TNPO2: variants seen among roughly 807,000 people sequenced by gnomAD.
TNPO2 encodes transportin-2.
TNPO2 carries 16 observed loss-of-function variants against 111.1 expected under a neutral mutation model. The observed-to-expected ratio is 0.14, with a 90% confidence interval of 0.10 to 0.22. TNPO2 has a LOEUF of 0.22. Among genes scored for constraint, TNPO2 ranks in the 10% least tolerant of loss-of-function variants. TNPO2 has a pLI of 1.00. For missense variants in TNPO2, 530 were observed against 1,173.7 expected (o/e 0.45, Z 8.01); for synonymous variants, 481 against 475.8 (o/e 1.01, Z -0.14).
At position 12,719,232 on chromosome 19, in the gene TNPO2, G is replaced by C. The variant is rs375461253; in HGVS notation, c.175+29C>G. On this transcript the variant is annotated intron_variant, in intron 4 of 25. Coordinates refer to ENST00000425528, the MANE Select transcript of TNPO2 (RefSeq NM_001382241.1). The surrounding 1 kb of genome is among the most constrained non-coding windows in gnomAD (Gnocchi z 5.0). ...GCCCAGGGGGAGAAAGCAGGGTCCCGATCGCATGGAAGGGAGCAGAGGGCG... is the reference window on the plus strand; with the variant it reads ...GCCCAGGGGGAGAAAGCAGGGTCCCCATCGCATGGAAGGGAGCAGAGGGCG... The C allele has an allele frequency of 1.2e-6, 2 of 1,613,860 alleles. No individual in the cohort carries two copies. Among genetic ancestry groups the C allele is most frequent in the Non-Finnish European group, 1.7e-6 (2 of 1,179,784 alleles).
At chr19:12,711,105 A>T in intron 12 of TNPO2, 191 bp downstream of exon 12, 2 of 702,984 alleles carry the variant, frequency 2.8e-6, no homozygotes, top group Non-Finnish European at 4.7e-6. Flanking sequence ...TGTGTTAGCC[A>T]GGATGGTGTT....
chr19:12,711,926 C>T (rs941486995), intron 10 of TNPO2, among the ~76,000 whole-genome samples: 1 of 150,990 alleles, frequency 6.6e-6, no homozygotes, highest in Non-Finnish European at 1.5e-5. Flanking sequence ...GCCACCCAGG[C>T]ACCGAGGCAA....
rs911288360 is a variant in TNPO2 at position 12,706,006 on chromosome 19, T to C, written c.1668+190A>G. On this transcript the variant is annotated intron_variant, in intron 15 of 25. Transcript: ENST00000425528. The surrounding 1 kb of genome is among the most constrained non-coding windows in gnomAD (Gnocchi z 7.0). ...CCTCCTGGTTCCCGAAGCACAGCAC[T>C]TACCACGCTGTCTCATAACTGTCTT... The C allele has an allele frequency of 5.6e-6, 3 of 537,068 alleles. No homozygotes were observed. Among genetic ancestry groups the C allele is most frequent in the Non-Finnish European group, 9.3e-6 (3 of 324,072 alleles). The allele number at this position is 537,068 out of a possible 1,614,324, so 33.3% of individuals were successfully genotyped here.
rs375299699 is a variant in TNPO2, at chr19:12,700,886, G to GC, written c.*377dup. The GC allele has an allele frequency of 1.2e-4, 20 of 171,788 alleles. No homozygotes were observed. Among genetic ancestry groups the GC allele is most frequent in the Non-Finnish European group, 2.4e-4 (19 of 79,544 alleles). The allele number at this position is 171,788 out of a possible 1,614,324, so 10.6% of individuals were successfully genotyped here. On this transcript the variant is annotated 3_prime_UTR_variant, in exon 26 of 26. Transcript: ENST00000425528. ...TGTGAGTGTACGCGTCCCTACGAGG[G>GC]CCCCCCTCCTGACCTGCTCCTCCCT...
Position 12,709,467 on chromosome 19 carries a change from T to C in TNPO2, c.1270+1154A>G, listed in dbSNP as rs183010312. The stretch of plus-strand genomic sequence containing the variant: ...AGATATGAGATACATTAAACACATA[T>C]TACATGTCGAAACATTTCTTTAGAC... On this transcript the variant is annotated intron_variant, in intron 13 of 25. Coordinates refer to ENST00000425528, the MANE Select transcript of TNPO2 (RefSeq NM_001382241.1). Among the ~76,000 whole-genome samples the C allele has an allele frequency of 1.8e-4, 27 of 152,306 alleles. 1 individual carries two copies. The highest frequency in any genetic ancestry group is 4.6e-4 in the Admixed American group (7 of 15,286).
At position 12,701,937 on chromosome 19, in the gene TNPO2, G is replaced by C; in HGVS notation, c.2412-86C>G. ...TGGGTCACTGGGGATCAGTGAGTGG[G>C]CCTGGGACATGCATCTGTGGGGGTG... On this transcript the variant is annotated intron_variant, in intron 22 of 25. Coordinates refer to ENST00000425528, the MANE Select transcript of TNPO2 (RefSeq NM_001382241.1). The surrounding 1 kb of genome is among the most constrained non-coding windows in gnomAD (Gnocchi z 5.0). 2.1e-6 allele frequency: 3 copies of C among 1,420,072 alleles called. No homozygotes were observed. Among genetic ancestry groups the C allele is most frequent in the Non-Finnish European group, 3.0e-6 (3 of 1,006,096 alleles). 88.0% of individuals were successfully genotyped at this position (1,420,072 alleles called of 1,614,324 possible). A position where few individuals can be genotyped will look rare whatever the true frequency, so the allele number is the denominator to read the frequency against.
chr19:12,703,667 G>C (rs746519172), intron 19 of TNPO2, 47 bp downstream of exon 19: 14 of 1,596,394 alleles, frequency 8.8e-6, no homozygotes, highest in Non-Finnish European at 1.2e-5. Flanking sequence ...TCCATCACTT[G>C]AGGCCGGGGC....
At chr19:12,707,125 G>A (rs1390197344) in intron 13 of TNPO2, among the ~76,000 whole-genome samples, 2 of 152,118 alleles carry the variant, frequency 1.3e-5, no homozygotes, top group South Asian at 2.1e-4. Context: ...AGCCTCCCAA[G>A]TAGCTGGGAT....
intron 5 of TNPO2, among the ~76,000 whole-genome samples, chr19:12,717,734 T>C (rs1568338923): frequency 6.6e-6 from 1 of 152,122 alleles, no homozygotes; most frequent in Non-Finnish European, 1.5e-5. Flanking sequence ...TAGAGTACAG[T>C]GGCATTATCT....
rs574621854 is a variant in TNPO2 at position 12,702,624 on chromosome 19, C to T, written c.2305+199G>A. On this transcript the variant is annotated intron_variant, in intron 21 of 25. Transcript: ENST00000425528. This position sits in a 1 kb window ranked among gnomAD's most constrained non-coding sequence, Gnocchi z 5.5. ...TTCAGGTGATCTGCCTCCCAAAGTG[C>T]TGAGATTACAGGCATGAGCCACTGC... is the stretch of plus-strand genomic sequence containing the variant. Among the ~76,000 whole-genome samples, 111 of 152,272 alleles carry T rather than the reference C, an allele frequency of 7.3e-4. 1 individual carries two copies. Among genetic ancestry groups the T allele is most frequent in the African/African-American group, 2.6e-3 (108 of 41,562 alleles).
In TNPO2 at chr19:12,719,210, CA is replaced by C; in HGVS notation, c.176-33del. On this transcript the variant is annotated intron_variant, in intron 4 of 25. Transcript: ENST00000425528. The surrounding 1 kb of genome is among the most constrained non-coding windows in gnomAD (Gnocchi z 5.0). ...GGAGGAAGGCTGAGGTTCAGGGGCC[CA>C]GGGGGAGAAAGCAGGGTCCCGATCG... 1.2e-6 allele frequency: 2 copies of C among 1,613,784 alleles called. No homozygotes were observed. Among genetic ancestry groups the C allele is most frequent in the East Asian group, 2.2e-5 (1 of 44,876 alleles).
At chr19:12,709,240 T>C (rs2025894849) in intron 13 of TNPO2, among the ~76,000 whole-genome samples, 2 of 149,554 alleles carry the variant, frequency 1.3e-5, no homozygotes, top group African/African-American at 2.5e-5. Context: ...CATGCACCTG[T>C]AGTCCCAGCT....
Position 12,703,447 on chromosome 19 carries a change from A to T in TNPO2, c.2190T>A (p.Gly730=). Residue 730 remains glycine, a synonymous_variant, in exon 20 of 26, where the codon GGT becomes GGA. Coordinates refer to ENST00000425528, the MANE Select transcript of TNPO2 (RefSeq NM_001382241.1). ...ACTCACCCATCTGCATGCAGATTTC[A>T]CCAATGGCCCAGGTGGCGTTGTTGC... ...SVCNNATWAI[G]EICMQMGAEM... The T allele has an allele frequency of 6.2e-7, 1 of 1,613,902 alleles. No homozygotes were observed.
rs1299750457 is a variant in TNPO2 at position 12,702,653 on chromosome 19, C to T, written c.2305+170G>A. ...GATTACAGGCATGAGCCACTGCACC[C>T]AGCCTGAGGCTGCATCTTTCTTGGG... is the stretch of plus-strand genomic sequence containing the variant. On this transcript the variant is annotated intron_variant, in intron 21 of 25. Transcript: ENST00000425528. The surrounding 1 kb of genome is among the most constrained non-coding windows in gnomAD (Gnocchi z 5.5). 1.3e-5 allele frequency among the ~76,000 whole-genome samples: 2 copies of T among 152,290 alleles called. No homozygotes were observed. Among genetic ancestry groups the T allele is most frequent in the South Asian group, 2.1e-4 (1 of 4,828 alleles).
intron 5 of TNPO2, among the ~76,000 whole-genome samples, chr19:12,717,508 G>A (rs544784259): frequency 7.4e-4 from 113 of 152,054 alleles, no homozygotes; most frequent in African/African-American, 2.7e-3. Flanking sequence ...CTGACCTCAG[G>A]TGATCCACCT....
chr19:12,718,848 G>A (rs1392187497), intron 5 of TNPO2, among the ~76,000 whole-genome samples, 181 bp downstream of exon 5: 1 of 152,156 alleles, frequency 6.6e-6, no homozygotes, highest in African/African-American at 2.4e-5. Flanking sequence ...TCTGACTTCT[G>A]CTGCTTACCC....
Position 12,710,646 on chromosome 19 carries a change from G to C in TNPO2, c.1245C>G (p.Ile415Met). 1.2e-6 allele frequency: 2 copies of C among 1,613,582 alleles called. No homozygotes were observed. Among genetic ancestry groups the C allele is most frequent in the Non-Finnish European group, 1.7e-6 (2 of 1,179,768 alleles). ...HPEWVVKESG[I>M]LVLGAIAEGC... The stretch of plus-strand genomic sequence containing the variant: ...CCTCAGCAATGGCGCCCAGCACCAG[G>C]ATGCCCGACTCCTTGACCACCCACT... Residue 415 changes from isoleucine (I) to methionine (M), a missense_variant, in exon 13 of 26, where the codon ATC becomes ATG. Transcript: ENST00000425528.
chr19:12,720,803 T>G, intron 3 of TNPO2, 76 bp downstream of exon 3: 2 of 1,499,970 alleles, frequency 1.3e-6, no homozygotes, highest in Non-Finnish European at 1.8e-6. Flanking sequence ...AGTCAGTCCC[T>G]CTCTTTCTCT....
intron 9 of TNPO2, 41 bp from the exon 10 acceptor site, chr19:12,714,980 G>A (rs962585169): frequency 1.3e-6 from 2 of 1,597,746 alleles, no homozygotes; most frequent in Admixed American, 1.8e-5. Context: ...CCTGGCTGGG[G>A]GTGGCTCCCT....
Sources: allele counts gnomAD v4.1 joint callset (sites outside exome capture counted in the v4.1 genomes callset), GRCh38; gene constraint gnomAD v4.1.1; non-coding constraint Gnocchi (gnomAD v3.1); transcripts MANE v1.5; gene names NCBI Gene and HGNC (gene_info 2026-07-23, HGNC 2026-07-21).